CASR: variants seen among roughly 807,000 people sequenced by gnomAD.
CASR encodes calcium sensing receptor, also known as extracellular calcium-sensing receptor.
Under a neutral mutation model 69.1 loss-of-function variants are expected in CASR, and 23 were observed. That is an observed-to-expected ratio of 0.33 (90% CI 0.24 to 0.47). CASR has a LOEUF of 0.47. CASR is among the 20% of genes least tolerant of loss of function. The pLI is 1.00. For missense variants in CASR, 924 were observed against 1,356.1 expected, an observed-to-expected ratio of 0.68 and a Z score of 5.00; for synonymous variants, 541 against 544.7, an observed-to-expected ratio of 0.99 and a Z score of 0.10.
chr3:122,261,466 G>A, intron 3 of CASR, 62 bp from the exon 4 acceptor site: 3 of 1,494,286 alleles, frequency 2.0e-6, no homozygotes, highest in Non-Finnish European at 2.8e-6. Context: ...CAGCCTGGAG[G>A]CTCACTCAGC....
chr3:122,202,562 A>G (rs879653287), intron 1 of CASR, among the ~76,000 whole-genome samples: 9 of 152,242 alleles, frequency 5.9e-5, no homozygotes, highest in Non-Finnish European at 1.2e-4. Flanking sequence ...GGAATGCTAT[A>G]TATTCTGGAT....
intron 1 of CASR, among the ~76,000 whole-genome samples, chr3:122,239,367 T>C (rs1267210990): frequency 6.6e-6 from 1 of 152,206 alleles, no homozygotes; most frequent in Non-Finnish European, 1.5e-5. Context: ...AAGGACTTTG[T>C]CTTGTGGTTT....
intron 1 of CASR, among the ~76,000 whole-genome samples, chr3:122,239,675 A>C (rs1423091807): frequency 6.6e-6 from 1 of 152,216 alleles, no homozygotes; most frequent in Non-Finnish European, 1.5e-5. Context: ...GGCCACAGGG[A>C]AGCTTGTGTC....
chr3:122,185,243 C>A lies in CASR; in HGVS notation c.-243+1431C>A, dbSNP rs35633936. ...CACTAGCATGTGTGTCTATTGCTGT[C>A]TCCTTTCTACACCCATAGCCTTTCC... is the stretch of plus-strand genomic sequence containing the variant. On this transcript the variant is annotated intron_variant, in intron 1 of 6. Coordinates refer to ENST00000639785, the MANE Select transcript of CASR (RefSeq NM_000388.4). Among the ~76,000 whole-genome samples the A allele has an allele frequency of 3.8e-3, 574 of 152,316 alleles. 3 individuals are homozygous for A. Among genetic ancestry groups the A allele is most frequent in the Middle Eastern group, 0.014 (4 of 294 alleles).
chr3:122,206,455 T>C (rs181285907), intron 1 of CASR, among the ~76,000 whole-genome samples: 2 of 152,080 alleles, frequency 1.3e-5, no homozygotes, highest in Non-Finnish European at 2.9e-5. Flanking sequence ...ATTTTTTTAA[T>C]GTGTTGTTGC....
At chr3:122,257,617 C>G in intron 3 of CASR, 2 of 484,880 alleles carry the variant, frequency 4.1e-6, no homozygotes, top group East Asian at 3.2e-5. Flanking sequence ...ATGTACCTTG[C>G]ATAAAACTGT....
intron 6 of CASR, 77 bp downstream of exon 6, chr3:122,282,313 G>C: frequency 6.9e-7 from 1 of 1,442,370 alleles, no homozygotes; most frequent in Non-Finnish European, 9.8e-7. Context: ...CCCATGGAAG[G>C]GCTGGGCTGA....
intron 1 of CASR, among the ~76,000 whole-genome samples, chr3:122,201,499 C>G (rs2073950683): frequency 1.3e-5 from 2 of 152,384 alleles, no homozygotes; most frequent in South Asian, 4.1e-4. Flanking sequence ...ATGGCCTGCT[C>G]TCAATGAGCT....
At chr3:122,197,630 G>T (rs1381191522) in intron 1 of CASR, among the ~76,000 whole-genome samples, 1 of 151,850 alleles carries the variant, frequency 6.6e-6, no homozygotes, top group Non-Finnish European at 1.5e-5. Flanking sequence ...TTTGACTCAG[G>T]GTGTTTTGTT....
intron 2 of CASR, 141 bp downstream of exon 2, chr3:122,254,515 T>C: frequency 1.2e-6 from 1 of 840,934 alleles, no homozygotes; most frequent in South Asian, 1.5e-5. Context: ...CTGAAGCTTA[T>C]TGCCCCCACA....
intron 1 of CASR, among the ~76,000 whole-genome samples, chr3:122,201,449 C>A (rs989284293): frequency 1.3e-5 from 2 of 152,268 alleles, no homozygotes; most frequent in Non-Finnish European, 2.9e-5. Flanking sequence ...TTTTCCCCAC[C>A]TTTCCCCCTT....
At chr3:122,184,057 G>A (rs983012250) in intron 1 of CASR, among the ~76,000 whole-genome samples, 2 of 152,150 alleles carry the variant, frequency 1.3e-5, no homozygotes, top group Admixed American at 6.5e-5. Flanking sequence ...GGGGCTCGCC[G>A]TCTGCTGGGG....
intron 1 of CASR, among the ~76,000 whole-genome samples, chr3:122,251,493 T>C (rs2074482749): frequency 6.6e-6 from 1 of 152,222 alleles, no homozygotes; most frequent in South Asian, 2.1e-4. Flanking sequence ...GGAGCTCTTT[T>C]CCTCATTCAC....
chr3:122,246,426 G>A (rs1469041392), intron 1 of CASR: 1 of 152,182 alleles, frequency 6.6e-6, no homozygotes, highest in African/African-American at 2.4e-5. Flanking sequence ...TAAAATGCAT[G>A]CTTTTGGTTT....
chr3:122,198,769 T>A (rs1013320865), intron 1 of CASR, among the ~76,000 whole-genome samples: 3 of 151,902 alleles, frequency 2.0e-5, no homozygotes, highest in Non-Finnish European at 1.5e-5. Context: ...ACTCAAAAAA[T>A]TTTTCTTTTT....
At position 122,203,497 on chromosome 3, in the gene CASR, A is replaced by G. The variant is rs564256324; in HGVS notation, c.-243+19685A>G. The stretch of plus-strand genomic sequence containing the variant: ...GAATTCTTGTGGGCAGTTGTAACAC[A>G]GTGATAACTATTTGTCTGTCTAAAC... On this transcript the variant is annotated intron_variant, in intron 1 of 6. Coordinates refer to ENST00000639785, the MANE Select transcript of CASR (RefSeq NM_000388.4). Among the ~76,000 whole-genome samples the G allele has an allele frequency of 4.6e-5, 7 of 152,346 alleles. No homozygotes were observed. The East Asian group carries it at 1.3e-3, about 29-fold the overall frequency.
rs1003649420 is a variant in CASR, at chr3:122,287,979, T to G, written c.*2788T>G. ...AGACTTCGTAGTGGGCAAATAATGG[T>G]CACCCAAAGATGCCCACATCCTCAT... On this transcript the variant is annotated 3_prime_UTR_variant, in exon 7 of 7. Coordinates refer to ENST00000639785, the MANE Select transcript of CASR (RefSeq NM_000388.4). 1 of 152,228 alleles carries G rather than the reference T, an allele frequency of 6.6e-6. No individual in the cohort carries two copies. The highest frequency in any genetic ancestry group is 1.5e-5 in the Non-Finnish European group (1 of 68,046). The allele number at this position is 152,228 out of a possible 1,614,324, so 9.4% of individuals were successfully genotyped here. A position where few individuals can be genotyped will look rare whatever the true frequency, so the allele number is the denominator to read the frequency against.
At chr3:122,223,247 G>GAA (rs2074189476) in intron 1 of CASR, among the ~76,000 whole-genome samples, 1 of 151,792 alleles carries the variant, frequency 6.6e-6, no homozygotes, top group South Asian at 2.1e-4. Flanking sequence ...ATTGAGATGC[G>GAA]AAAATCCAGA....
At chr3:122,268,447 C>T (rs1488249874) in intron 4 of CASR, among the ~76,000 whole-genome samples, 1 of 152,204 alleles carries the variant, frequency 6.6e-6, no homozygotes, top group Non-Finnish European at 1.5e-5. Flanking sequence ...GCACCACATG[C>T]CTTCTAGCTC....
Sources: gnomAD v4.1 joint callset for allele counts (sites outside exome capture counted in the v4.1 genomes callset) on GRCh38, gnomAD v4.1.1 for gene constraint, MANE v1.5 for transcripts, NCBI Gene and HGNC (gene_info 2026-07-23, HGNC 2026-07-21) for gene names.